Variants in RPS29 observed in about 807,000 individuals in gnomAD.
RPS29 encodes small ribosomal subunit protein uS14.
For missense variants in RPS29, 60 were observed against 75.7 expected (o/e 0.79, Z 0.77); for synonymous variants, 37 against 26.9 (o/e 1.37, Z -1.16).
intron 1 of RPS29, among the ~76,000 whole-genome samples, chr14:49,597,310 A>G (rs7161649): frequency 0.68 from 103,564 of 151,930 alleles, 36,470 homozygotes; most frequent in Non-Finnish European, 0.74. Flanking sequence ...TCCTGCCTCG[A>G]GCCTCCCAAA....
At chr14:49,598,616 G>C (rs1176046272) in exon 1 of RPS29, 1 of 701,440 alleles carries the variant, frequency 1.4e-6, no homozygotes, top group Non-Finnish European at 2.6e-6. Context: ...GCCTTCCCTC[G>C]GGAAACAGCG....
At chr14:49,597,427 G>A (rs2139525049) in intron 1 of RPS29, 1 of 152,152 alleles carries the variant, frequency 6.6e-6, no homozygotes. Flanking sequence ...GTACCTATAA[G>A]TTCAGAGTCC....
downstream of RPS29, among the ~76,000 whole-genome samples, chr14:49,582,719 G>A (rs554694426): frequency 6.6e-6 from 1 of 152,188 alleles, no homozygotes; most frequent in Admixed American, 6.5e-5. Flanking sequence ...GGAGGCACAG[G>A]GTATACCCTA....
chr14:49,594,385 T>C (rs781118799), intron 1 of RPS29, among the ~76,000 whole-genome samples: 1 of 151,982 alleles, frequency 6.6e-6, no homozygotes, highest in Non-Finnish European at 1.5e-5. Context: ...TGAATAAATG[T>C]ATTGAAGCAA....
chr14:49,598,524 C>A, exon 1 of RPS29: 1 of 702,416 alleles, frequency 1.4e-6, no homozygotes, highest in Non-Finnish European at 2.6e-6. Flanking sequence ...AGCCCGTCCG[C>A]GCCGGGAAAT....
chr14:49,586,766 G>A (rs1169228196), upstream of RPS29: 7 of 229,858 alleles, frequency 3.0e-5, no homozygotes, highest in East Asian at 9.4e-5. Context: ...GGGGTGAACC[G>A]GCCCAGGTCG....
chr14:49,593,909 G>A (rs60457851), intron 1 of RPS29, among the ~76,000 whole-genome samples: 2 of 152,182 alleles, frequency 1.3e-5, no homozygotes, highest in East Asian at 3.9e-4. Context: ...GTGATGAGTA[G>A]AAATCCATGA....
At chr14:49,596,624 A>G (rs1881826687) in intron 1 of RPS29, among the ~76,000 whole-genome samples, 1 of 152,190 alleles carries the variant, frequency 6.6e-6, no homozygotes, top group Non-Finnish European at 1.5e-5. Context: ...AAGACTGACA[A>G]TTAGGAAGAT....
chr14:49,583,730 T>G, intron 2 of RPS29, 55 bp from the exon 3 acceptor site: 1 of 1,119,858 alleles, frequency 8.9e-7, no homozygotes. Flanking sequence ...CTCTACTTGA[T>G]TCTCACAAAA....
exon 3 of RPS29, chr14:49,574,046 CTT>C (rs1208671688): frequency 6.6e-6 from 1 of 152,168 alleles, no homozygotes; most frequent in African/African-American, 2.4e-5. Flanking sequence ...AATATGCGAT[CTT>C]GTTATTATTT....
At chr14:49,572,427 G>C (rs1297221682) in exon 3 of RPS29, 1 of 152,100 alleles carries the variant, frequency 6.6e-6, no homozygotes, top group Admixed American at 6.5e-5. Flanking sequence ...TCAAATTATT[G>C]TACATTACTT....
chr14:49,578,406 G>C (rs140003251), intron 2 of RPS29, among the ~76,000 whole-genome samples: 1 of 151,958 alleles, frequency 6.6e-6, no homozygotes, highest in African/African-American at 2.4e-5. Context: ...GTCAAATGCT[G>C]CTAACATAAT....
chr14:49,591,527 G>A (rs979706191), intron 1 of RPS29, among the ~76,000 whole-genome samples: 18 of 151,744 alleles, frequency 1.2e-4, no homozygotes, highest in Admixed American at 3.3e-4. Context: ...GGCCAGGCTG[G>A]TCTTGAACTC....
chr14:49,593,741 C>G (rs1429359384), intron 1 of RPS29, among the ~76,000 whole-genome samples: 2 of 139,266 alleles, frequency 1.4e-5, no homozygotes, highest in Non-Finnish European at 3.1e-5. Context: ...CAGAGGTGAG[C>G]TCACAAGAAA....
intron 2 of RPS29, 80 bp from the exon 3 acceptor site, chr14:49,583,755 A>G (rs1405692301): frequency 1.0e-5 from 9 of 857,244 alleles, no homozygotes; most frequent in Non-Finnish European, 1.7e-5. Context: ...GGCTCATTAT[A>G]GAATGTTATA....
chr14:49,577,947 A>G (rs1017079877), intron 2 of RPS29: 3 of 825,030 alleles, frequency 3.6e-6, no homozygotes, highest in African/African-American at 3.4e-5. Flanking sequence ...CCTGTGAAAC[A>G]TGTTATGTCA....
chr14:49,598,456 A>G (rs1881888877), exon 1 of RPS29: 1 of 702,182 alleles, frequency 1.4e-6, no homozygotes, highest in Non-Finnish European at 2.6e-6. Flanking sequence ...CAGCCATATA[A>G]AGCCCCCCTT....
At chr14:49,586,389 C>G (rs750854445), upstream of RPS29, 5 of 1,551,914 alleles carry the variant, frequency 3.2e-6, no homozygotes, top group South Asian at 5.6e-5. Context: ...AGAAGCTGGC[C>G]CACGCATGCG....
At chr14:49,594,776 A>C (rs1881784429) in intron 1 of RPS29, among the ~76,000 whole-genome samples, 1 of 152,220 alleles carries the variant, frequency 6.6e-6, no homozygotes, top group Admixed American at 6.5e-5. Context: ...ATATATTTCT[A>C]TGACAAGGCT....
Sources: gnomAD v4.1 joint callset for allele counts (sites outside exome capture counted in the v4.1 genomes callset) on GRCh38, gnomAD v4.1.1 for gene constraint, MANE v1.5 for transcripts, NCBI Gene and HGNC (gene_info 2026-07-23, HGNC 2026-07-21) for gene names.